Variants in NAA11 observed in about 807,000 individuals in gnomAD.
The protein encoded by NAA11 is N-alpha-acetyltransferase 11.
NAA11 carries 15 observed loss-of-function variants against 16.1 expected under a neutral mutation model. The ratio of observed to expected loss-of-function variants is 0.93; its 90% CI spans 0.62 to 1.44. The LOEUF (loss-of-function observed/expected upper bound fraction) is 1.44, where lower values mean the gene tolerates loss of function less well. Ranked by LOEUF, NAA11 falls within the 40% of genes most tolerant of loss-of-function variation. The probability of loss-of-function intolerance (pLI) is 0.00; values close to 1 mark genes in which losing one functional copy is unlikely to be tolerated. For synonymous variants in NAA11, 122 were observed against 112.4 expected (o/e 1.09, Z -0.54); for missense variants, 298 against 291.3 (o/e 1.02, Z -0.17).
intron 2 of NAA11, among the ~76,000 whole-genome samples, chr4:79,277,997 T>A (rs537339175): frequency 1.2e-4 from 18 of 152,086 alleles, no homozygotes; most frequent in Non-Finnish European, 2.4e-4. Context: ...GAATTATTTA[T>A]TTGAAAACAG....
At chr4:79,258,922 C>T in intron 2 of NAA11, 1 of 203,310 alleles carries the variant, frequency 4.9e-6, no homozygotes, top group Non-Finnish European at 1.0e-5. Context: ...AGGGCCTCCT[C>T]TCTGCTGAGA....
chr4:79,258,356 C>G (rs1376043099), intron 2 of NAA11, among the ~76,000 whole-genome samples: 1 of 152,258 alleles, frequency 6.6e-6, no homozygotes, highest in Non-Finnish European at 1.5e-5. Context: ...TGGGAAGGCC[C>G]CCCTTGCCCT....
At chr4:79,225,013 CA>C (rs566430060), downstream of NAA11, among the ~76,000 whole-genome samples, 78 of 151,900 alleles carry the variant, frequency 5.1e-4, no homozygotes, top group South Asian at 1.0e-3. Context: ...GATAGGACAA[CA>C]AAATATATGG....
chr4:79,195,605 C>T, the NAA11 span, among the ~76,000 whole-genome samples: 13 of 152,110 alleles, frequency 8.5e-5, no homozygotes, highest in Non-Finnish European at 1.8e-4. Context: ...TCTCATTATT[C>T]TTGCATTATC....
chr4:79,284,470 C>T (rs1722864200), intron 2 of NAA11, among the ~76,000 whole-genome samples: 1 of 152,018 alleles, frequency 6.6e-6, no homozygotes, highest in African/African-American at 2.4e-5. Context: ...TCAAGAGTAT[C>T]AGGTTGATTA....
intron 2 of NAA11, among the ~76,000 whole-genome samples, chr4:79,284,218 C>G (rs888184477): frequency 6.6e-6 from 1 of 152,066 alleles, no homozygotes; most frequent in South Asian, 2.1e-4. Context: ...TTGAAAGGCT[C>G]TACAGAGGTT....
chr4:79,161,732 T>C, the NAA11 span, among the ~76,000 whole-genome samples: 3 of 151,744 alleles, frequency 2.0e-5, no homozygotes, highest in African/African-American at 7.3e-5. Flanking sequence ...TGGAGTGCAG[T>C]GGCATGATCT....
downstream of NAA11, among the ~76,000 whole-genome samples, chr4:79,312,689 T>C (rs935684361): frequency 6.0e-5 from 9 of 149,344 alleles, no homozygotes; most frequent in African/African-American, 9.9e-5. Context: ...GGGTCTTGCT[T>C]AGGCTGCCCA....
chr4:79,298,758 G>A (rs1384440234), intron 1 of NAA11, among the ~76,000 whole-genome samples: 1 of 152,224 alleles, frequency 6.6e-6, no homozygotes, highest in African/African-American at 2.4e-5. Context: ...CAGCCTACTG[G>A]CCAAGTGGGC....
the NAA11 span, among the ~76,000 whole-genome samples, chr4:79,183,050 G>T: frequency 6.6e-6 from 1 of 152,000 alleles, no homozygotes; most frequent in Non-Finnish European, 1.5e-5. Context: ...GATTCTTCTT[G>T]GGGAGGTAAC....
At chr4:79,247,329 C>A (rs763836901) in intron 2 of NAA11, among the ~76,000 whole-genome samples, 1 of 151,990 alleles carries the variant, frequency 6.6e-6, no homozygotes, top group Non-Finnish European at 1.5e-5. Flanking sequence ...TTCTTGTTAC[C>A]TTCACTACAT....
intron 2 of NAA11, among the ~76,000 whole-genome samples, chr4:79,249,572 C>G (rs1478275180): frequency 2.6e-5 from 4 of 152,020 alleles, no homozygotes; most frequent in African/African-American, 9.7e-5. Context: ...AAAGAAAAAG[C>G]AGTAAAGAAG....
At chr4:79,251,885 A>G (rs912694421) in intron 2 of NAA11, among the ~76,000 whole-genome samples, 1 of 152,196 alleles carries the variant, frequency 6.6e-6, no homozygotes, top group South Asian at 2.1e-4. Flanking sequence ...TCAAAAAAAC[A>G]TCTGCACTCG....
At position 79,277,018 on chromosome 4, in the gene NAA11, A is replaced by G. The variant is rs185945538; in HGVS notation, c.*122+16987T>C. Reference sequence around the variant, plus strand: ...TACTAGCCAGATGGCTTGGGAAAATAGGATAGCCTTAGACATGATATTAGC... The same window carrying G: ...TACTAGCCAGATGGCTTGGGAAAATGGGATAGCCTTAGACATGATATTAGC... On this transcript the variant is annotated intron_variant and NMD_transcript_variant, in intron 2 of 2. Transcript: ENST00000511542. Among the ~76,000 whole-genome samples, 1,245 of 152,282 alleles carry G rather than the reference A, an allele frequency of 8.2e-3. 3 individuals are homozygous for G. The highest frequency in any genetic ancestry group is 0.031 in the Middle Eastern group (9 of 294).
intron 2 of NAA11, among the ~76,000 whole-genome samples, chr4:79,239,867 G>A (rs901080942): frequency 3.3e-5 from 5 of 152,144 alleles, no homozygotes; most frequent in African/African-American, 1.2e-4. Context: ...CTAGCCCACT[G>A]CTTGTACAAT....
At chr4:79,201,047 T>G in the NAA11 span, among the ~76,000 whole-genome samples, 1 of 151,714 alleles carries the variant, frequency 6.6e-6, no homozygotes, top group South Asian at 2.1e-4. Context: ...ATATTGTGTT[T>G]TTTTCTTAAG....
intron 2 of NAA11, among the ~76,000 whole-genome samples, chr4:79,283,434 A>C (rs1311465908): frequency 6.6e-6 from 1 of 152,054 alleles, no homozygotes; most frequent in Non-Finnish European, 1.5e-5. Flanking sequence ...TGATAAGAGG[A>C]CCACATCTTC....
chr4:79,272,003 CACACACACATATATAT>C (rs1208524174), intron 2 of NAA11, among the ~76,000 whole-genome samples: 1 of 151,714 alleles, frequency 6.6e-6, no homozygotes, highest in East Asian at 1.9e-4. Flanking sequence ...TATGTATACA[CACACACACATATATAT>C]ACACACACAT....
intron 2 of NAA11, among the ~76,000 whole-genome samples, chr4:79,266,427 C>T (rs1560434597): frequency 6.6e-6 from 1 of 152,150 alleles, no homozygotes; most frequent in Non-Finnish European, 1.5e-5. Context: ...TCAGGACTGC[C>T]TGAAGAGAGA....
Sources: gnomAD v4.1 joint callset for allele counts (sites outside exome capture counted in the v4.1 genomes callset) on GRCh38, gnomAD v4.1.1 for gene constraint, MANE v1.5 for transcripts, NCBI Gene and HGNC (gene_info 2026-07-23, HGNC 2026-07-21) for gene names.